PSMD4: variants seen among roughly 807,000 people sequenced by gnomAD.
PSMD4 encodes the protein 26S proteasome non-ATPase regulatory subunit 4.
In PSMD4, 5 loss-of-function variants were observed where a neutral mutation model predicts 39.7. The ratio of observed to expected loss-of-function variants is 0.13; its 90% CI spans 0.07 to 0.26. The LOEUF (loss-of-function observed/expected upper bound fraction) is 0.26, where lower values mean the gene tolerates loss of function less well. Among genes scored for constraint, PSMD4 ranks in the 10% least tolerant of loss-of-function variants. PSMD4 has a pLI of 1.00. For missense variants in PSMD4, 272 were observed against 486.1 expected, an observed-to-expected ratio of 0.56 and a Z score of 4.14; for synonymous variants, 143 against 174.6, an observed-to-expected ratio of 0.82 and a Z score of 1.43.
At chr1:151,266,190 AGT>A (rs1558323150) in intron 7 of PSMD4, 78 bp downstream of exon 7, 1 of 1,588,682 alleles carries the variant, frequency 6.3e-7, no homozygotes, top group Non-Finnish European at 8.6e-7. Context: ...CTGCAGGGAG[AGT>A]GTGGAGGTCT....
At chr1:151,258,296 G>A (rs1410345147) in intron 1 of PSMD4, among the ~76,000 whole-genome samples, 1 of 152,092 alleles carries the variant, frequency 6.6e-6, no homozygotes, top group Non-Finnish European at 1.5e-5. Context: ...CCAAAGTGCT[G>A]AGATTACAGG....
At position 151,267,327 on chromosome 1, in the gene PSMD4, A is replaced by T; in HGVS notation, c.1118A>T (p.Glu373Val). Residue 373 changes from glutamate to valine, a missense_variant, in exon 10 of 10, where the codon GAG becomes GTG. By Grantham distance (121) the Glu-to-Val change is moderately radical. This residue lies in a region of PSMD4 where 113 missense variants were observed against 184.6 expected (regional missense o/e 0.61). Coordinates refer to ENST00000368884, the MANE Select transcript of PSMD4 (RefSeq NM_002810.4). ...AAGGACGGCAAGAAGGACAAGAAGG[A>T]GGAAGACAAGAAGTGAGACTGGAGG... ...ATKDGKKDKK[E>V]EDKK 6.2e-7 allele frequency: 1 copy of T among 1,613,944 alleles called. No individual in the cohort carries two copies. The highest frequency in any genetic ancestry group is 8.5e-7 in the Non-Finnish European group (1 of 1,179,824).
intron 1 of PSMD4, among the ~76,000 whole-genome samples, chr1:151,259,942 T>C (rs1693277008): frequency 1.3e-5 from 2 of 152,012 alleles, no homozygotes; most frequent in Admixed American, 1.3e-4. Flanking sequence ...CTCATGCCTG[T>C]AATCCCAGCA....
chr1:151,256,134 A>G (rs1212934268), intron 1 of PSMD4, among the ~76,000 whole-genome samples: 1 of 151,676 alleles, frequency 6.6e-6, no homozygotes, highest in Non-Finnish European at 1.5e-5. Context: ...ACCTGAGGTC[A>G]GGAGTTACTG....
intron 9 of PSMD4, 52 bp downstream of exon 9, chr1:151,266,639 T>C (rs750106070): frequency 6.3e-7 from 1 of 1,586,890 alleles, no homozygotes; most frequent in Non-Finnish European, 8.6e-7. Context: ...ATTTAGATCC[T>C]CATCCCTCTG....
Position 151,267,292 on chromosome 1 carries a change from C to A in PSMD4, c.1083C>A (p.Ser361=), listed in dbSNP as rs769298647. ...GAAATGCTATGGGCTCCCTGGCCTC[C>A]CAGGCCACCAAGGACGGCAAGAAGG... The part of the protein sequence containing the change: ...AIRNAMGSLA[S]QATKDGKKDK... Residue 361 remains serine (S), a synonymous_variant, in exon 10 of 10, where the codon TCC becomes TCA. Transcript: ENST00000368884. 6.2e-7 allele frequency: 1 copy of A among 1,613,886 alleles called. No individual in the cohort carries two copies. Among genetic ancestry groups the A allele is most frequent in the Non-Finnish European group, 8.5e-7 (1 of 1,179,848 alleles).
intron 2 of PSMD4, chr1:151,262,716 T>A (rs963976136): frequency 1.1e-5 from 2 of 186,314 alleles, no homozygotes; most frequent in African/African-American, 4.7e-5. Flanking sequence ...CTACCTGTAA[T>A]ACCAGCTACT....
At position 151,266,539 on chromosome 1, in the gene PSMD4, A is replaced by G; in HGVS notation, c.915A>G (p.Ser305=). The G allele has an allele frequency of 1.2e-6, 2 of 1,614,238 alleles. No homozygotes were observed. Among genetic ancestry groups the G allele is most frequent in the Non-Finnish European group, 1.7e-6 (2 of 1,180,056 alleles). Residue 305 remains serine (S), a synonymous_variant, in exon 9 of 10, where the codon TCA becomes TCG. Coordinates refer to ENST00000368884, the MANE Select transcript of PSMD4 (RefSeq NM_002810.4). ...CCTCAGAGTTTGGCCAGGCGGAATCAGCAGACATTGATGCCAGCTCAGCTA... is the reference window on the plus strand; with the variant it reads ...CCTCAGAGTTTGGCCAGGCGGAATCGGCAGACATTGATGCCAGCTCAGCTA... ...LQGAEFGQAE[S]ADIDASSAMD...
chr1:151,265,455 G>A lies in PSMD4; in HGVS notation c.500G>A (p.Gly167Asp), dbSNP rs777585523. 6.2e-7 allele frequency: 1 copy of A among 1,614,222 alleles called. No homozygotes were observed. Among genetic ancestry groups the A allele is most frequent in the South Asian group, 1.1e-5 (1 of 91,084 alleles). Residue 167 changes from glycine to aspartate, a missense_variant, in exon 6 of 10, where the codon GGT (glycine) becomes GAT (aspartate). Coordinates refer to ENST00000368884, the MANE Select transcript of PSMD4 (RefSeq NM_002810.4). ...ACGTTGAATGGCAAAGATGGAACCG[G>A]TTCTCATCTGGTGACAGTGCCTCCT... is the stretch of plus-strand genomic sequence containing the variant. ...VNTLNGKDGT[G>D]SHLVTVPPGP...
chr1:151,256,343 C>CA (rs57889256), intron 1 of PSMD4, among the ~76,000 whole-genome samples: 555 of 49,212 alleles, frequency 0.011, 11 homozygotes, highest in African/African-American at 0.031. Flanking sequence ...GACTCCCTCT[C>CA]AAAAAAAAAA....
chr1:151,264,118 G>A (rs918820902), intron 3 of PSMD4, 90 bp downstream of exon 3: 34 of 1,024,132 alleles, frequency 3.3e-5, no homozygotes, highest in Non-Finnish European at 4.2e-5. Flanking sequence ...TCCTGAGCTA[G>A]GACCAGAGCA....
At chr1:151,261,779 TC>T (rs955307357) in intron 1 of PSMD4, among the ~76,000 whole-genome samples, 1 of 151,790 alleles carries the variant, frequency 6.6e-6, no homozygotes, top group Non-Finnish European at 1.5e-5. Flanking sequence ...CATAGCTAGA[TC>T]CCTGTCTCTA....
chr1:151,266,289 C>G lies in PSMD4; in HGVS notation c.764-19C>G. The G allele has an allele frequency of 6.2e-7, 1 of 1,614,006 alleles. No homozygotes were observed. The highest frequency in any genetic ancestry group is 8.5e-7 in the Non-Finnish European group (1 of 1,180,014). On this transcript the variant is annotated intron_variant, in intron 7 of 9. Coordinates refer to ENST00000368884, the MANE Select transcript of PSMD4 (RefSeq NM_002810.4). ...GATATGGCACCAATTCTACCCTGCT[C>G]CTCTTTTCCTTTTCCCAGACTCAGA...
chr1:151,262,408 C>A, intron 2 of PSMD4, 107 bp downstream of exon 2: 1 of 1,362,834 alleles, frequency 7.3e-7, no homozygotes, highest in Non-Finnish European at 1.0e-6. Context: ...CCTAGACTGC[C>A]TTCTGCACTA....
At chr1:151,266,203 G>A in intron 7 of PSMD4, 91 bp downstream of exon 7, 1 of 1,593,472 alleles carries the variant, frequency 6.3e-7, no homozygotes, top group South Asian at 1.2e-5. Flanking sequence ...GTGGAGGTCT[G>A]ACAGGGTAGG....
chr1:151,264,080 C>A, intron 3 of PSMD4, 52 bp downstream of exon 3: 1 of 1,316,978 alleles, frequency 7.6e-7, no homozygotes, highest in Non-Finnish European at 1.1e-6. Context: ...GAGGTCCTGC[C>A]TCCATCATAC....
At chr1:151,265,079 T>C (rs1430380447) in intron 4 of PSMD4, 87 bp from the exon 5 acceptor site, 9 of 1,357,838 alleles carry the variant, frequency 6.6e-6, no homozygotes, top group Admixed American at 4.1e-5. Flanking sequence ...GGGAGGTCAA[T>C]AGATTTCTGT....
chr1:151,263,714 C>G, intron 2 of PSMD4, 200 bp from the exon 3 acceptor site: 1 of 343,158 alleles, frequency 2.9e-6, no homozygotes, highest in Non-Finnish European at 5.4e-6. Flanking sequence ...GCCCGTAGTC[C>G]CAGCTACTTG....
Position 151,266,483 on chromosome 1 carries a change from G to A in PSMD4, c.896-37G>A. 1.2e-6 allele frequency: 2 copies of A among 1,614,202 alleles called. 1 individual carries two copies. The highest frequency in any genetic ancestry group is 2.2e-5 in the South Asian group (2 of 91,082). The stretch of plus-strand genomic sequence containing the variant: ...GGTGCCTAGGCAGAGGTTGGGGTGA[G>A]GAAGTGTAACTGAACAGACTGACCT... On this transcript the variant is annotated intron_variant, in intron 8 of 9. Transcript: ENST00000368884.
Sources: allele counts gnomAD v4.1 joint callset (sites outside exome capture counted in the v4.1 genomes callset), GRCh38; gene constraint gnomAD v4.1.1; regional missense constraint gnomAD v4.1.1; transcripts MANE v1.5; gene names NCBI Gene and HGNC (gene_info 2026-07-23, HGNC 2026-07-21).